FLYWCH1: variants seen among roughly 807,000 people sequenced by gnomAD.
FLYWCH1 encodes FLYWCH-type zinc finger-containing protein 1.
A neutral mutation model predicts 66.4 loss-of-function variants in FLYWCH1; 75 were observed. The ratio of observed to expected loss-of-function variants is 1.13; its 90% CI spans 0.94 to 1.37. The LOEUF (loss-of-function observed/expected upper bound fraction) is 1.37. FLYWCH1 is among the 40% of genes most tolerant of loss of function. The probability of loss-of-function intolerance (pLI) is 0.00; values close to 1 mark genes in which losing one functional copy is unlikely to be tolerated. For synonymous variants in FLYWCH1, 595 were observed against 429.9 expected (o/e 1.38, Z -4.75); for missense variants, 1,334 against 1,001.8 (o/e 1.33, Z -4.48).
chr16:2,933,302 G>A lies in FLYWCH1; in HGVS notation c.969G>A (p.Val323=), dbSNP rs993601166. ...RSRAITQGQR[V]TVMRGHCHQP... Reference sequence around the variant, plus strand: ...GGGCCATCACCCAGGGACAGCGGGTGACTGTGATGCGTGGGCACTGCCACC... The same window carrying A: ...GGGCCATCACCCAGGGACAGCGGGTAACTGTGATGCGTGGGCACTGCCACC... The change falls in exon 5 of 10, where the codon GTG becomes GTA. Residue 323 remains valine, a synonymous_variant. Coordinates refer to ENST00000253928, the MANE Select transcript of FLYWCH1 (RefSeq NM_001308068.2). 6.2e-7 allele frequency: 1 copy of A among 1,611,840 alleles called. No individual in the cohort carries two copies. The highest frequency in any genetic ancestry group is 8.5e-7 in the Non-Finnish European group (1 of 1,179,360).
rs115219759 is a variant in FLYWCH1, at chr16:2,928,134, C to T, written c.-73-1479C>T. ...AGTAACAGAGCAGTATTGCTGCCAGCGTATCTTGCCTCCAGCCACAGGGTG... is the reference window on the plus strand; with the variant it reads ...AGTAACAGAGCAGTATTGCTGCCAGTGTATCTTGCCTCCAGCCACAGGGTG... On this transcript the variant is annotated intron_variant, in intron 2 of 9. Coordinates refer to ENST00000253928, the MANE Select transcript of FLYWCH1 (RefSeq NM_001308068.2). Among the ~76,000 whole-genome samples, 1,163 of 152,334 alleles carry T rather than the reference C, an allele frequency of 7.6e-3. 10 individuals carry two copies. The highest frequency in any genetic ancestry group is 0.027 in the African/African-American group (1,103 of 41,574).
chr16:2,936,483 T>A (rs2071006502), intron 6 of FLYWCH1: 1 of 440,520 alleles, frequency 2.3e-6, no homozygotes, highest in African/African-American at 2.1e-5. Flanking sequence ...TAGGGCTTGC[T>A]ACCCACCCCC....
intron 9 of FLYWCH1, among the ~76,000 whole-genome samples, chr16:2,940,688 C>A (rs891039436): frequency 1.3e-5 from 2 of 152,138 alleles, no homozygotes; most frequent in African/African-American, 4.8e-5. Context: ...CCTCCTGTCT[C>A]GGGTCTCCCG....
At chr16:2,939,089 A>C (rs1237321349) in intron 8 of FLYWCH1, among the ~76,000 whole-genome samples, 2 of 152,096 alleles carry the variant, frequency 1.3e-5, no homozygotes, top group African/African-American at 4.8e-5. Flanking sequence ...AATCTTTAGA[A>C]AGCATTGTGT....
chr16:2,936,514 C>A (rs1171756693), intron 6 of FLYWCH1: 1 of 451,456 alleles, frequency 2.2e-6, no homozygotes, highest in African/African-American at 2.0e-5. Flanking sequence ...TCCACTGCCA[C>A]CCGATGTGTC....
chr16:2,923,089 T>C (rs2070434201), intron 2 of FLYWCH1: 2 of 418,612 alleles, frequency 4.8e-6, no homozygotes, highest in Non-Finnish European at 9.2e-6. Context: ...TATAGTTTGT[T>C]TTGTGTGTGT....
intron 4 of FLYWCH1, 101 bp from the exon 5 acceptor site, chr16:2,933,029 A>T: frequency 1.9e-6 from 2 of 1,056,438 alleles, no homozygotes; most frequent in Non-Finnish European, 2.7e-6. Flanking sequence ...TTTCAGCCTT[A>T]AAGGAGAAAG....
intron 2 of FLYWCH1, among the ~76,000 whole-genome samples, chr16:2,929,137 T>C (rs1217914744): frequency 6.6e-6 from 1 of 152,240 alleles, no homozygotes; most frequent in South Asian, 2.1e-4. Flanking sequence ...AAAAAGGTCC[T>C]GACAAGTCCC....
chr16:2,925,416 C>G (rs1229070179), intron 2 of FLYWCH1, among the ~76,000 whole-genome samples: 1 of 149,774 alleles, frequency 6.7e-6, no homozygotes, highest in Non-Finnish European at 1.5e-5. Flanking sequence ...TTAGCCTCAC[C>G]CGGTCCCACC....
chr16:2,917,033 G>A (rs1758348594), intron 2 of FLYWCH1, among the ~76,000 whole-genome samples: 1 of 150,776 alleles, frequency 6.6e-6, no homozygotes, highest in South Asian at 2.1e-4. Flanking sequence ...GCGCGCACCT[G>A]TAATCCCAGC....
At chr16:2,945,950 T>C (rs925770649) in intron 9 of FLYWCH1, among the ~76,000 whole-genome samples, 7 of 152,036 alleles carry the variant, frequency 4.6e-5, no homozygotes, top group Non-Finnish European at 8.8e-5. Flanking sequence ...TGAGCCGAGA[T>C]TGCGACACTG....
At chr16:2,942,886 G>A (rs193177375) in intron 9 of FLYWCH1, among the ~76,000 whole-genome samples, 1 of 151,984 alleles carries the variant, frequency 6.6e-6, no homozygotes, top group Non-Finnish European at 1.5e-5. Context: ...ATTTTTAGTG[G>A]AGACGGGGTT....
Position 2,937,392 on chromosome 16 carries a change from T to A in FLYWCH1, c.1777+8T>A. ...CGCAGTGGGACAGCCCAGGTGCGTG[T>A]GGAGGGTGCTGGGCTGGGTCTGCCT... is the stretch of plus-strand genomic sequence containing the variant. On this transcript the variant is annotated splice_region_variant and intron_variant, in intron 7 of 9. Transcript: ENST00000253928. 1 of 1,537,838 alleles carries A rather than the reference T, an allele frequency of 6.5e-7. No homozygotes were observed. The highest frequency in any genetic ancestry group is 8.7e-7 in the Non-Finnish European group (1 of 1,145,048).
At chr16:2,932,092 T>C (rs1234798768) in intron 4 of FLYWCH1, among the ~76,000 whole-genome samples, 1 of 129,406 alleles carries the variant, frequency 7.7e-6, no homozygotes, top group African/African-American at 3.1e-5. Flanking sequence ...CACTCCAGCC[T>C]GGGCAAAAGA....
At chr16:2,941,995 CAAAAAAAAAA>C (rs748281347) in intron 9 of FLYWCH1, among the ~76,000 whole-genome samples, 5 of 33,592 alleles carry the variant, frequency 1.5e-4, no homozygotes, top group African/African-American at 2.3e-4. Flanking sequence ...AGACTCATCT[CAAAAAAAAAA>C]AAAAAAAAAA....
rs35609623 is a variant in FLYWCH1, at chr16:2,918,147, C to CTTTTT, written c.-74+3874_-74+3878dup. 5.5e-4 allele frequency among the ~76,000 whole-genome samples: 57 copies of CTTTTT among 103,736 alleles called. 2 individuals are homozygous for CTTTTT. The highest frequency in any genetic ancestry group is 1.1e-3 in the African/African-American group (29 of 26,676). The allele number at this position is 103,736 out of a possible 152,430, so 68.1% of individuals were successfully genotyped here. A position where few individuals can be genotyped will look rare whatever the true frequency, so the allele number is the denominator to read the frequency against. On this transcript the variant is annotated intron_variant, in intron 2 of 9. Transcript: ENST00000253928. The stretch of plus-strand genomic sequence containing the variant: ...TGCCACTGTGCCTGGCCTTGGATTC[C>CTTTTT]TTTTTTTTTTTTTTTTTTTTGAGAC...
chr16:2,945,155 G>C (rs1410549914), intron 9 of FLYWCH1, among the ~76,000 whole-genome samples: 2 of 151,534 alleles, frequency 1.3e-5, no homozygotes, highest in African/African-American at 2.4e-5. Flanking sequence ...TTCAAAACCA[G>C]CCTGGCCAAC....
Position 2,933,959 on chromosome 16 carries a change from C to A in FLYWCH1, c.1493C>A (p.Thr498Lys). 1 of 1,547,682 alleles carries A rather than the reference C, an allele frequency of 6.5e-7. No individual in the cohort carries two copies. Among genetic ancestry groups the A allele is most frequent in the Non-Finnish European group, 8.7e-7 (1 of 1,145,386 alleles). The change falls in exon 6 of 10, where the codon ACG becomes AAG. Residue 498 changes from threonine (T) to lysine (K), a missense_variant. Coordinates refer to ENST00000253928, the MANE Select transcript of FLYWCH1 (RefSeq NM_001308068.2). ...AGGCAGCGGGAGAAACGCCCCAACA[C>A]GGCGCAGCGGGGGAGCCCAGGTACC... ...ALRQREKRPN[T>K]AQRGSPGGPE...
At chr16:2,947,775 A>T (rs1324706438) in intron 9 of FLYWCH1, among the ~76,000 whole-genome samples, 1 of 151,944 alleles carries the variant, frequency 6.6e-6, no homozygotes, top group African/African-American at 2.4e-5. Context: ...AAAAAAAAAA[A>T]AAAAAAATCC....
Sources: gnomAD v4.1 joint callset for allele counts (sites outside exome capture counted in the v4.1 genomes callset) on GRCh38, gnomAD v4.1.1 for gene constraint, MANE v1.5 for transcripts, NCBI Gene and HGNC (gene_info 2026-07-23, HGNC 2026-07-21) for gene names.